Variants in GYS2 observed in about 807,000 individuals in gnomAD.
GYS2 encodes the protein glycogen [starch] synthase, liver.
Under a neutral mutation model 85.6 loss-of-function variants are expected in GYS2, and 80 were observed. The ratio of observed to expected loss-of-function variants is 0.93; its 90% CI spans 0.78 to 1.13. The LOEUF is 1.13. Among genes scored for constraint, GYS2 ranks in the 50% most tolerant of loss-of-function variants. The pLI is 0.00. For missense variants in GYS2, 881 were observed against 854.9 expected, an observed-to-expected ratio of 1.03 and a Z score of -0.38; for synonymous variants, 328 against 300.7, an observed-to-expected ratio of 1.09 and a Z score of -0.94.
chr12:21,564,599 G>A (rs1189223607), intron 5 of GYS2, among the ~76,000 whole-genome samples: 2 of 151,912 alleles, frequency 1.3e-5, no homozygotes, highest in Non-Finnish European at 2.9e-5. Flanking sequence ...TTACATACAT[G>A]GCCACAGTAG....
At chr12:21,598,327 C>T (rs770676096) in intron 1 of GYS2, among the ~76,000 whole-genome samples, 18 of 151,988 alleles carry the variant, frequency 1.2e-4, no homozygotes, top group East Asian at 1.9e-4. Flanking sequence ...CATATAAACA[C>T]GTCATATATC....
At chr12:21,576,730 T>G (rs1944451335) in intron 2 of GYS2, among the ~76,000 whole-genome samples, 1 of 152,166 alleles carries the variant, frequency 6.6e-6, no homozygotes, top group Non-Finnish European at 1.5e-5. Flanking sequence ...ATGAATTAGC[T>G]CTCTCATTTT....
In GYS2 at chr12:21,574,371, C is replaced by T. The variant is rs748722612; in HGVS notation, c.496-45G>A. On this transcript the variant is annotated intron_variant, in intron 3 of 15. Transcript: ENST00000261195. ...GCATTCAGAAAAGTTGTTGATGAAGCTTGATTGTGCTCATGGTCCACATCA... is the reference window on the plus strand; with the variant it reads ...GCATTCAGAAAAGTTGTTGATGAAGTTTGATTGTGCTCATGGTCCACATCA... 6 of 1,458,038 alleles carry T rather than the reference C, an allele frequency of 4.1e-6. No individual in the cohort carries two copies. The South Asian group carries it at 6.8e-5, about 17-fold the overall frequency. 90.3% of individuals were successfully genotyped at this position (1,458,038 alleles called of 1,614,324 possible).
intron 11 of GYS2, among the ~76,000 whole-genome samples, chr12:21,551,300 G>A (rs1944108392): frequency 6.6e-6 from 1 of 151,598 alleles, no homozygotes. Flanking sequence ...GCATTCTTCA[G>A]AAGAGATTAC....
intron 4 of GYS2, among the ~76,000 whole-genome samples, chr12:21,571,860 G>C (rs552381028): frequency 6.6e-6 from 1 of 152,026 alleles, no homozygotes; most frequent in Non-Finnish European, 1.5e-5. Flanking sequence ...TACTCAGGAG[G>C]CTGAGGCAGG....
chr12:21,565,472 G>T (rs1486088587), intron 5 of GYS2, among the ~76,000 whole-genome samples: 1 of 128,306 alleles, frequency 7.8e-6, no homozygotes, highest in Non-Finnish European at 1.6e-5. Flanking sequence ...ATAGGTTTTA[G>T]GTTATTTGTA....
chr12:21,558,578 G>C (rs567901016), intron 10 of GYS2, among the ~76,000 whole-genome samples: 1 of 152,190 alleles, frequency 6.6e-6, no homozygotes, highest in Admixed American at 6.5e-5. Context: ...TTGCTTCCGG[G>C]ACTTATTTGG....
At chr12:21,540,688 C>A in intron 13 of GYS2, 115 bp from the exon 14 acceptor site, 1 of 867,062 alleles carries the variant, frequency 1.2e-6, no homozygotes, top group South Asian at 1.4e-5. Context: ...TATCTACCCC[C>A]TGACTCAGGA....
chr12:21,579,399 G>A (rs1488112694), intron 2 of GYS2, among the ~76,000 whole-genome samples: 1 of 133,468 alleles, frequency 7.5e-6, no homozygotes, highest in African/African-American at 2.8e-5. Flanking sequence ...TGTTGCCCAA[G>A]CAGGCGAGCA....
rs750040511 is a variant in GYS2 at position 21,604,526 on chromosome 12, G to A, written c.67C>T (p.Leu23Phe). ...GGLPQWEVEE[L>F]PVEELLLFEV... Reference sequence around the variant, plus strand: ...AAGAGCAGTAACTCCTCCACAGGAAGTTCTTCGACTTCCCACTGGGGAAGC... The same window carrying A: ...AAGAGCAGTAACTCCTCCACAGGAAATTCTTCGACTTCCCACTGGGGAAGC... Residue 23 changes from leucine (L) to phenylalanine (F), a missense_variant, in exon 1 of 16, where the codon CTT becomes TTT. Physicochemically the swap from Leu to Phe is conservative, Grantham distance 22 (BLOSUM62 0). Transcript: ENST00000261195. 1.2e-6 allele frequency: 2 copies of A among 1,612,832 alleles called. No individual in the cohort carries two copies. The highest frequency in any genetic ancestry group is 1.7e-6 in the Non-Finnish European group (2 of 1,179,040).
intron 11 of GYS2, among the ~76,000 whole-genome samples, chr12:21,553,248 G>A (rs1210297339): frequency 5.9e-5 from 9 of 152,236 alleles, no homozygotes; most frequent in Non-Finnish European, 1.3e-4. Flanking sequence ...TTCTATGAGT[G>A]TGGGGTTATT....
At chr12:21,600,279 T>A (rs930310481) in intron 1 of GYS2, among the ~76,000 whole-genome samples, 2 of 152,064 alleles carry the variant, frequency 1.3e-5, no homozygotes, top group African/African-American at 2.4e-5. Flanking sequence ...TGAGCCTCCA[T>A]GGCCAGCTAG....
chr12:21,563,861 A>G (rs908836780), intron 5 of GYS2, among the ~76,000 whole-genome samples: 2 of 152,198 alleles, frequency 1.3e-5, no homozygotes, highest in Non-Finnish European at 2.9e-5. Flanking sequence ...TTAACCCTGC[A>G]CTAAACTACC....
chr12:21,544,841 G>T (rs750750597), intron 12 of GYS2, among the ~76,000 whole-genome samples: 2 of 152,160 alleles, frequency 1.3e-5, no homozygotes, highest in Non-Finnish European at 2.9e-5. Context: ...GGCAAATTAT[G>T]CTTGGTGAAG....
At chr12:21,547,040 T>C (rs1944050497) in intron 11 of GYS2, among the ~76,000 whole-genome samples, 1 of 152,198 alleles carries the variant, frequency 6.6e-6, no homozygotes, top group South Asian at 2.1e-4. Flanking sequence ...ACTTGCCTGC[T>C]TCTTTCTGTC....
chr12:21,569,469 A>G lies in GYS2; in HGVS notation c.679-460T>C, dbSNP rs183350779. On this transcript the variant is annotated intron_variant, in intron 4 of 15. Coordinates refer to ENST00000261195, the MANE Select transcript of GYS2 (RefSeq NM_021957.4). ...AATTCACTGAAAGGGAACCTGAAAA[A>G]GAGAAAGACAAACGCTTTTCCTTGG... Among the ~76,000 whole-genome samples the G allele has an allele frequency of 3.0e-3, 464 of 152,358 alleles. 2 individuals are homozygous for G. The highest frequency in any genetic ancestry group is 0.01 in the African/African-American group (431 of 41,590).
At position 21,560,326 on chromosome 12, in the gene GYS2, C is replaced by T. The variant is rs141946075; in HGVS notation, c.1169+60G>A. The T allele has an allele frequency of 6.4e-5, 58 of 910,766 alleles. 1 individual carries two copies. In the African/African-American group the frequency reaches 7.0e-4, roughly 11 times the overall value. 56.4% of individuals were successfully genotyped at this position (910,766 alleles called of 1,614,324 possible). A position where few individuals can be genotyped will look rare whatever the true frequency, so the allele number is the denominator to read the frequency against. The stretch of plus-strand genomic sequence containing the variant: ...TCAAGGCGATACATGAGATGTCATT[C>T]ACTTAAAAGAAATCTTTTCACATTT... On this transcript the variant is annotated intron_variant, in intron 8 of 15. Transcript: ENST00000261195.
chr12:21,560,788 A>G (rs1944243939), intron 7 of GYS2, among the ~76,000 whole-genome samples: 1 of 152,170 alleles, frequency 6.6e-6, no homozygotes, highest in African/African-American at 2.4e-5. Flanking sequence ...CGTGCCTTTG[A>G]CCATCTAGAA....
At chr12:21,575,799 G>T in intron 3 of GYS2, 67 bp downstream of exon 3, 1 of 1,187,480 alleles carries the variant, frequency 8.4e-7, no homozygotes, top group Non-Finnish European at 1.3e-6. Context: ...AAGATCATGG[G>T]ATCATTCTTG....
Sources: gnomAD v4.1 joint callset for allele counts (sites outside exome capture counted in the v4.1 genomes callset) on GRCh38, gnomAD v4.1.1 for gene constraint, MANE v1.5 for transcripts, NCBI Gene and HGNC (gene_info 2026-07-23, HGNC 2026-07-21) for gene names.